The following L3MBTL4 variants were observed in gnomAD, a reference collection of about 807,000 sequenced individuals.
The protein encoded by L3MBTL4 is L3MBTL histone methyl-lysine binding protein 4.
In L3MBTL4, 70 loss-of-function variants were observed where a neutral mutation model predicts 84.5. The ratio of observed to expected loss-of-function variants is 0.83; its 90% CI spans 0.68 to 1.01. The LOEUF (loss-of-function observed/expected upper bound fraction) is 1.01, where lower values mean the gene tolerates loss of function less well. L3MBTL4 is among the 50% of genes least tolerant of loss of function. The pLI is 0.00. For synonymous variants in L3MBTL4, 274 were observed against 259.8 expected, an observed-to-expected ratio of 1.05 and a Z score of -0.52; for missense variants, 715 against 754.8, an observed-to-expected ratio of 0.95 and a Z score of 0.62.
chr18:6,347,324 C>T (rs770746948), intron 1 of L3MBTL4, among the ~76,000 whole-genome samples: 6 of 151,512 alleles, frequency 4.0e-5, no homozygotes, highest in Non-Finnish European at 7.4e-5. Flanking sequence ...GAGGGTAGAT[C>T]TTATGTTAAG....
chr18:5,955,976 G>T lies in L3MBTL4; in HGVS notation c.*244C>A. 2.3e-6 allele frequency: 1 copy of T among 429,890 alleles called. No individual in the cohort carries two copies. The highest frequency in any genetic ancestry group is 4.1e-6 in the Non-Finnish European group (1 of 241,708). 26.6% of individuals were successfully genotyped at this position (429,890 alleles called of 1,614,324 possible). A position where few individuals can be genotyped will look rare whatever the true frequency, so the allele number is the denominator to read the frequency against. On this transcript the variant is annotated 3_prime_UTR_variant, in exon 19 of 19. Transcript: ENST00000317931. ...TGTCTTGCAAACAAATCAGAGCTGA[G>T]CGGATCCCACCAAAGATAACAATGT...
chr18:6,076,624 G>C (rs1340275419), intron 16 of L3MBTL4, among the ~76,000 whole-genome samples: 1 of 152,052 alleles, frequency 6.6e-6, no homozygotes, highest in Non-Finnish European at 1.5e-5. Flanking sequence ...CAATAAGTGA[G>C]GGAGGAAAAG....
intron 1 of L3MBTL4, among the ~76,000 whole-genome samples, chr18:6,343,536 C>G (rs900795120): frequency 6.6e-6 from 1 of 151,834 alleles, no homozygotes; most frequent in Non-Finnish European, 1.5e-5. Flanking sequence ...ATGGTGGGCA[C>G]CTGTAGTCCC....
At chr18:6,071,614 G>T (rs1568065647) in intron 16 of L3MBTL4, among the ~76,000 whole-genome samples, 1 of 148,838 alleles carries the variant, frequency 6.7e-6, no homozygotes, top group Non-Finnish European at 1.5e-5. Context: ...CCAGTCTGGG[G>T]TGACAGAGAT....
At chr18:6,020,872 G>A (rs1379031967) in intron 16 of L3MBTL4, among the ~76,000 whole-genome samples, 1 of 152,162 alleles carries the variant, frequency 6.6e-6, no homozygotes, top group Non-Finnish European at 1.5e-5. Flanking sequence ...GGAAGGTCAA[G>A]GTGGGGATAG....
At chr18:5,963,013 C>A (rs2052140316) in intron 17 of L3MBTL4, among the ~76,000 whole-genome samples, 1 of 152,134 alleles carries the variant, frequency 6.6e-6, no homozygotes, top group Non-Finnish European at 1.5e-5. Flanking sequence ...CAACATTGCC[C>A]CAGTTCTTCT....
intron 10 of L3MBTL4, among the ~76,000 whole-genome samples, chr18:6,230,917 T>G (rs1047072114): frequency 1.3e-5 from 2 of 152,292 alleles, no homozygotes; most frequent in African/African-American, 4.8e-5. Flanking sequence ...TTTGTCCACT[T>G]TTTTAATGGG....
At chr18:5,968,890 T>C (rs1043191599) in intron 17 of L3MBTL4, among the ~76,000 whole-genome samples, 1 of 152,306 alleles carries the variant, frequency 6.6e-6, no homozygotes, top group East Asian at 1.9e-4. Context: ...TAGCTTTAGA[T>C]GAGCAAACCT....
At chr18:6,265,043 A>G (rs1017727451) in intron 4 of L3MBTL4, among the ~76,000 whole-genome samples, 3 of 152,256 alleles carry the variant, frequency 2.0e-5, no homozygotes, top group Admixed American at 6.5e-5. Flanking sequence ...AGGACTATGT[A>G]ATGATATACT....
intron 16 of L3MBTL4, among the ~76,000 whole-genome samples, chr18:6,071,177 G>A (rs2057581217): frequency 6.6e-6 from 1 of 151,834 alleles, no homozygotes; most frequent in Admixed American, 6.6e-5. Context: ...GATCACTTGA[G>A]GCTAGGAGTT....
chr18:6,071,761 AAAAG>A (rs201841975), intron 16 of L3MBTL4, among the ~76,000 whole-genome samples: 6,368 of 92,082 alleles, frequency 0.069, 197 homozygotes, highest in Middle Eastern at 0.11. Flanking sequence ...AAGAAAGAAA[AAAAG>A]AAAGAAAGAA....
intron 13 of L3MBTL4, among the ~76,000 whole-genome samples, chr18:6,156,083 C>T (rs1046857070): frequency 6.6e-6 from 1 of 152,114 alleles, no homozygotes; most frequent in Non-Finnish European, 1.5e-5. Context: ...CTCCTTGACC[C>T]CCAATTTTGA....
At chr18:6,387,448 G>A (rs896650654) in intron 1 of L3MBTL4, among the ~76,000 whole-genome samples, 1 of 151,814 alleles carries the variant, frequency 6.6e-6, no homozygotes, top group African/African-American at 2.4e-5. Context: ...ATGAGTGAAA[G>A]GGAAAACACT....
chr18:6,335,597 C>G (rs1325109610), intron 1 of L3MBTL4, among the ~76,000 whole-genome samples: 1 of 152,076 alleles, frequency 6.6e-6, no homozygotes, highest in African/African-American at 2.4e-5. Context: ...GTGTTCCCAC[C>G]CAAATCTTAT....
chr18:6,034,717 C>T (rs984641224), intron 16 of L3MBTL4, among the ~76,000 whole-genome samples: 19 of 152,186 alleles, frequency 1.2e-4, no homozygotes, highest in African/African-American at 4.6e-4. Flanking sequence ...CCTGAGGACT[C>T]GCCACACTGA....
chr18:6,213,373 A>T, intron 11 of L3MBTL4, 114 bp from the exon 12 acceptor site: 1 of 583,868 alleles, frequency 1.7e-6, no homozygotes, highest in Non-Finnish European at 3.0e-6. Flanking sequence ...TCTTCAATAC[A>T]ACTGGAATTT....
chr18:6,124,192 G>C (rs1454929151), intron 14 of L3MBTL4, among the ~76,000 whole-genome samples: 1 of 152,098 alleles, frequency 6.6e-6, no homozygotes, highest in Non-Finnish European at 1.5e-5. Context: ...AAAATGATGA[G>C]AGAAAAGATG....
At chr18:5,961,690 C>T (rs1237273934) in intron 17 of L3MBTL4, among the ~76,000 whole-genome samples, 2 of 152,186 alleles carry the variant, frequency 1.3e-5, no homozygotes, top group African/African-American at 4.8e-5. Flanking sequence ...CTGGCCCGGG[C>T]TCTTAGTATT....
intron 1 of L3MBTL4, among the ~76,000 whole-genome samples, chr18:6,344,199 G>C (rs2143588142): frequency 6.6e-6 from 1 of 152,064 alleles, no homozygotes; most frequent in East Asian, 1.9e-4. Context: ...AATCATAAAT[G>C]AAATAAGAGA....
Sources: gnomAD v4.1 joint callset for allele counts (sites outside exome capture counted in the v4.1 genomes callset) on GRCh38, gnomAD v4.1.1 for gene constraint, MANE v1.5 for transcripts, NCBI Gene and HGNC (gene_info 2026-07-23, HGNC 2026-07-21) for gene names.